Variants in KCNK10 observed in about 807,000 individuals in gnomAD.
The protein encoded by KCNK10 is potassium channel subfamily K member 10.
A neutral mutation model predicts 47.7 loss-of-function variants in KCNK10; 25 were observed. The observed-to-expected ratio is 0.52, with a 90% CI of 0.38 to 0.73. The LOEUF (loss-of-function observed/expected upper bound fraction) is 0.73, where lower values mean the gene tolerates loss of function less well. Ranked by LOEUF, KCNK10 falls within the 30% of genes least tolerant of loss-of-function variation. KCNK10 has a pLI of 0.00. For missense variants in KCNK10, 563 were observed against 714.5 expected (o/e 0.79, Z 2.42); for synonymous variants, 303 against 285.6 (o/e 1.06, Z -0.61).
At chr14:88,239,597 G>A (rs1216280995) in intron 3 of KCNK10, among the ~76,000 whole-genome samples, 1 of 152,140 alleles carries the variant, frequency 6.6e-6, no homozygotes, top group Non-Finnish European at 1.5e-5. Flanking sequence ...GGTGGCTCAC[G>A]CCGGTAATCC....
chr14:88,280,802 G>C (rs1180733711), intron 1 of KCNK10, among the ~76,000 whole-genome samples: 4 of 151,840 alleles, frequency 2.6e-5, no homozygotes, highest in Non-Finnish European at 5.9e-5. Context: ...CAGGCTACCT[G>C]CTCCCTACTA....
chr14:88,187,890 C>A (rs1301285348), intron 6 of KCNK10, 77 bp downstream of exon 6: 2 of 1,544,742 alleles, frequency 1.3e-6, no homozygotes, highest in East Asian at 4.5e-5. Flanking sequence ...CTCCAGCCCA[C>A]AGGACAGAGA....
upstream of KCNK10, among the ~76,000 whole-genome samples, chr14:88,324,749 G>T (rs1037285886): frequency 1.3e-5 from 2 of 152,212 alleles, no homozygotes; most frequent in African/African-American, 4.8e-5. Flanking sequence ...TAAGTTGCAT[G>T]CTACTCTACG....
intron 1 of KCNK10, among the ~76,000 whole-genome samples, chr14:88,271,926 CA>C (rs547395690): frequency 0.057 from 6,432 of 112,366 alleles, 149 homozygotes; most frequent in Middle Eastern, 0.085. Context: ...AAAGGTATGG[CA>C]AAAAAAAAAA....
At chr14:88,194,665 G>A (rs1470136845) in intron 4 of KCNK10, among the ~76,000 whole-genome samples, 1 of 152,188 alleles carries the variant, frequency 6.6e-6, no homozygotes, top group Non-Finnish European at 1.5e-5. Context: ...GGATTTGTTT[G>A]ACGGCAGACA....
rs1232729162 is a variant in KCNK10, at chr14:88,322,616, T to A, written c.52+131A>T. 1 of 1,247,940 alleles carries A rather than the reference T, an allele frequency of 8.0e-7. No homozygotes were observed. The highest frequency in any genetic ancestry group is 1.5e-5 in the African/African-American group (1 of 66,964). 77.3% of individuals were successfully genotyped at this position (1,247,940 alleles called of 1,614,324 possible). Reference sequence around the variant, plus strand: ...GCCTCCGCCCTCCTCCCACCCGCGCTGCAGTTCCCAGGCGCATTTCCCAGC... The same window carrying A: ...GCCTCCGCCCTCCTCCCACCCGCGCAGCAGTTCCCAGGCGCATTTCCCAGC... On this transcript the variant is annotated intron_variant, in intron 1 of 6. Coordinates refer to ENST00000319231, the MANE Select transcript of KCNK10 (RefSeq NM_138317.3). The surrounding 1 kb of genome is among the most constrained non-coding windows in gnomAD (Gnocchi z 4.8).
chr14:88,215,086 T>C (rs1057378291), intron 4 of KCNK10, among the ~76,000 whole-genome samples: 6 of 152,104 alleles, frequency 3.9e-5, no homozygotes, highest in African/African-American at 1.4e-4. Context: ...TAAGAAACAA[T>C]AATGATCTCT....
chr14:88,311,839 G>C (rs930055798), intron 1 of KCNK10, among the ~76,000 whole-genome samples: 30 of 151,924 alleles, frequency 2.0e-4, no homozygotes, highest in African/African-American at 7.3e-4. Context: ...TTGTCAGGGT[G>C]GTTGGGGGCA....
At chr14:88,202,355 T>C (rs938626982) in intron 4 of KCNK10, among the ~76,000 whole-genome samples, 1 of 152,160 alleles carries the variant, frequency 6.6e-6, no homozygotes. Context: ...AATTTGAACA[T>C]CCTTCTTTAG....
chr14:88,276,098 C>T lies in KCNK10; in HGVS notation c.53-12547G>A, dbSNP rs369437726. On this transcript the variant is annotated intron_variant, in intron 1 of 6. Transcript: ENST00000319231. The stretch of plus-strand genomic sequence containing the variant: ...TTACCACAAGAACTGTCTCAATACT[C>T]AGTTGAAGCGATTACTGCTACGGTC... Among the ~76,000 whole-genome samples the T allele has an allele frequency of 2.0e-4, 31 of 152,134 alleles. No homozygotes were observed. The East Asian group carries it at 6.0e-3, about 29-fold the overall frequency.
At chr14:88,299,452 A>G (rs1397072604) in intron 1 of KCNK10, among the ~76,000 whole-genome samples, 1 of 152,200 alleles carries the variant, frequency 6.6e-6, no homozygotes, top group African/African-American at 2.4e-5. Flanking sequence ...CTCCTCCATC[A>G]CAAGGGCTTG....
At chr14:88,286,170 C>T (rs902618907) in intron 1 of KCNK10, among the ~76,000 whole-genome samples, 1 of 152,156 alleles carries the variant, frequency 6.6e-6, no homozygotes, top group Non-Finnish European at 1.5e-5. Context: ...CAGTTGATTT[C>T]AGCCCCCTCC....
At chr14:88,273,416 G>C (rs1389081638) in intron 1 of KCNK10, among the ~76,000 whole-genome samples, 1 of 152,128 alleles carries the variant, frequency 6.6e-6, no homozygotes, top group Non-Finnish European at 1.5e-5. Context: ...TCTATCTCGG[G>C]CTGCCAGGAA....
At chr14:88,198,223 A>G (rs1254119176) in intron 4 of KCNK10, among the ~76,000 whole-genome samples, 1 of 152,206 alleles carries the variant, frequency 6.6e-6, no homozygotes, top group African/African-American at 2.4e-5. Flanking sequence ...ATCACACCAC[A>G]TGTAGAAAAC....
chr14:88,220,416 CAAAAAAAAAAAAAAAAAAAAA>C (rs58562095), intron 4 of KCNK10, among the ~76,000 whole-genome samples: 30 of 30,160 alleles, frequency 9.9e-4, no homozygotes, highest in African/African-American at 3.7e-3. Flanking sequence ...GACTCCGTCT[CAAAAAAAAAAAAAAAAAAAAA>C]AAAAAAAAAA....
intron 1 of KCNK10, among the ~76,000 whole-genome samples, chr14:88,300,215 C>A (rs1266120987): frequency 6.6e-6 from 1 of 152,198 alleles, no homozygotes; most frequent in African/African-American, 2.4e-5. Context: ...TCTTCCTCCC[C>A]TCTCTTCTCC....
chr14:88,296,468 T>C (rs997282331), intron 1 of KCNK10, among the ~76,000 whole-genome samples: 1 of 151,310 alleles, frequency 6.6e-6, no homozygotes, highest in Non-Finnish European at 1.5e-5. Context: ...AACCTGGTTG[T>C]TCACTTTACC....
chr14:88,198,959 G>T (rs1182053480), intron 4 of KCNK10, among the ~76,000 whole-genome samples: 1 of 79,440 alleles, frequency 1.3e-5, no homozygotes, highest in Non-Finnish European at 3.3e-5. Flanking sequence ...TCACTTTGTC[G>T]CCCAGGCTGG....
chr14:88,227,286 C>T, intron 4 of KCNK10, 89 bp downstream of exon 4: 1 of 1,046,754 alleles, frequency 9.6e-7, no homozygotes, highest in Non-Finnish European at 1.4e-6. Context: ...TAAAAGCAGA[C>T]AATGCCCCTG....
Sources: allele counts gnomAD v4.1 joint callset (sites outside exome capture counted in the v4.1 genomes callset), GRCh38; gene constraint gnomAD v4.1.1; non-coding constraint Gnocchi (gnomAD v3.1); transcripts MANE v1.5; gene names NCBI Gene and HGNC (gene_info 2026-07-23, HGNC 2026-07-21).